Variants in DLG2 observed in about 807,000 individuals in gnomAD.
DLG2 encodes the protein discs large MAGUK scaffold protein 2.
Under a neutral mutation model 132.5 loss-of-function variants are expected in DLG2, and 45 were observed. The observed-to-expected ratio is 0.34, with a 90% CI of 0.27 to 0.44. The LOEUF (loss-of-function observed/expected upper bound fraction) is 0.44, where lower values mean the gene tolerates loss of function less well. Among genes scored for constraint, DLG2 ranks in the 20% least tolerant of loss-of-function variants. The probability of loss-of-function intolerance (pLI) is 1.00; values close to 1 mark genes in which losing one functional copy is unlikely to be tolerated. For missense variants in DLG2, 1,045 were observed against 1,196.9 expected (o/e 0.87, Z 1.87); for synonymous variants, 424 against 419.6 (o/e 1.01, Z -0.13).
At chr11:85,546,908 G>C (rs2076371628) in intron 3 of DLG2, among the ~76,000 whole-genome samples, 2 of 144,538 alleles carry the variant, frequency 1.4e-5, no homozygotes, top group South Asian at 2.2e-4. Context: ...CTTTGCATGT[G>C]AGATGGGTTT....
chr11:84,948,155 T>A (rs1460952894), intron 6 of DLG2, among the ~76,000 whole-genome samples: 1 of 152,202 alleles, frequency 6.6e-6, no homozygotes, highest in Non-Finnish European at 1.5e-5. Flanking sequence ...CCCTGCAGGA[T>A]GATGCAATAG....
At chr11:83,975,026 T>C (rs1333714217) in intron 12 of DLG2, among the ~76,000 whole-genome samples, 1 of 152,082 alleles carries the variant, frequency 6.6e-6, no homozygotes, top group Admixed American at 6.6e-5. Flanking sequence ...TAAATTACAA[T>C]GTGCCAAGGG....
chr11:84,602,809 A>T (rs923250485), intron 6 of DLG2, among the ~76,000 whole-genome samples: 3 of 152,016 alleles, frequency 2.0e-5, no homozygotes, highest in African/African-American at 7.2e-5. Context: ...GACAATTGTC[A>T]CCTCAAACAT....
chr11:84,946,059 C>T (rs1031528877), intron 6 of DLG2, among the ~76,000 whole-genome samples: 1 of 152,120 alleles, frequency 6.6e-6, no homozygotes, highest in Non-Finnish European at 1.5e-5. Flanking sequence ...GAGGGCTCTT[C>T]GGTCAGCTTG....
At chr11:85,084,208 AAG>A (rs536449880) in intron 6 of DLG2, among the ~76,000 whole-genome samples, 99 of 152,292 alleles carry the variant, frequency 6.5e-4, no homozygotes, top group African/African-American at 2.3e-3. Context: ...TTATGGATGA[AAG>A]AGAAGAGAAA....
At chr11:85,608,271 T>C (rs546132663) in intron 2 of DLG2, among the ~76,000 whole-genome samples, 40 of 152,252 alleles carry the variant, frequency 2.6e-4, no homozygotes, top group African/African-American at 8.7e-4. Context: ...TCCTAAGCCA[T>C]TGGGACCAAT....
intron 3 of DLG2, among the ~76,000 whole-genome samples, chr11:85,357,704 T>TTA (rs58283704): frequency 3.8e-4 from 40 of 106,232 alleles, no homozygotes; most frequent in South Asian, 7.4e-4. Flanking sequence ...CTGTTCTGAA[T>TTA]TATATATATA....
intron 9 of DLG2, among the ~76,000 whole-genome samples, chr11:84,132,452 A>T (rs1021834611): frequency 2.0e-5 from 3 of 151,978 alleles, no homozygotes; most frequent in Admixed American, 1.3e-4. Flanking sequence ...TCAGTTGGCA[A>T]TGATTCCTGA....
At chr11:83,641,445 T>C (rs1189013781) in intron 18 of DLG2, among the ~76,000 whole-genome samples, 1 of 152,178 alleles carries the variant, frequency 6.6e-6, no homozygotes, top group Non-Finnish European at 1.5e-5. Flanking sequence ...ACGGTTGCCA[T>C]TTCATCACCT....
At chr11:85,448,602 G>T (rs1488201849) in intron 3 of DLG2, among the ~76,000 whole-genome samples, 3 of 152,112 alleles carry the variant, frequency 2.0e-5, no homozygotes, top group Admixed American at 6.5e-5. Flanking sequence ...GACAATCAGA[G>T]ACTTTGCTTC....
At position 83,553,899 on chromosome 11, in the gene DLG2, C is replaced by CTT. The variant is rs754561291; in HGVS notation, c.1941-12043_1941-12042dup. Among the ~76,000 whole-genome samples the CTT allele has an allele frequency of 4.8e-3, 538 of 111,176 alleles. 4 individuals carry two copies. The highest frequency in any genetic ancestry group is 0.018 in the African/African-American group (491 of 27,126). The allele number at this position is 111,176 out of a possible 152,430, so 72.9% of individuals were successfully genotyped here. ...ATAGCACAATCTTTTCTTTTTTTTTCTTTTTTTTTTTTTTGTGGGATAGTC... is the reference window on the plus strand; with the variant it reads ...ATAGCACAATCTTTTCTTTTTTTTTCTTTTTTTTTTTTTTTTGTGGGATAGTC... On this transcript the variant is annotated intron_variant, in intron 19 of 27. Transcript: ENST00000376104.
At chr11:83,607,759 T>G (rs1245710665) in intron 19 of DLG2, among the ~76,000 whole-genome samples, 1 of 152,192 alleles carries the variant, frequency 6.6e-6, no homozygotes, top group Non-Finnish European at 1.5e-5. Context: ...ATTATATTCA[T>G]GTAATGGAAT....
chr11:85,021,619 C>T (rs2060074794), intron 6 of DLG2: 7 of 1,324,358 alleles, frequency 5.3e-6, no homozygotes, highest in Admixed American at 5.0e-5. Context: ...GTTCATGGAG[C>T]GAGGATCTGT....
At chr11:83,750,427 A>G (rs1345294708) in intron 18 of DLG2, among the ~76,000 whole-genome samples, 1 of 152,216 alleles carries the variant, frequency 6.6e-6, no homozygotes, top group African/African-American at 2.4e-5. Context: ...GATAAGAATT[A>G]CCAAATGTAG....
Position 84,864,798 on chromosome 11 carries a change from G to A in DLG2, c.357+246863C>T, listed in dbSNP as rs566227011. Among the ~76,000 whole-genome samples the A allele has an allele frequency of 7.2e-5, 11 of 152,202 alleles. No homozygotes were observed. In the South Asian group the frequency reaches 1.0e-3, roughly 14 times the overall value. Reference sequence around the variant, plus strand: ...CCCGGGAAGGTCGGGAAAGCTTTACGGAGGAAGAGACAATATTTCGGGCAG... The same window carrying A: ...CCCGGGAAGGTCGGGAAAGCTTTACAGAGGAAGAGACAATATTTCGGGCAG... On this transcript the variant is annotated intron_variant, in intron 6 of 27. Coordinates refer to ENST00000376104, the MANE Select transcript of DLG2 (RefSeq NM_001142699.3).
intron 3 of DLG2, among the ~76,000 whole-genome samples, chr11:85,403,018 T>C (rs1302862847): frequency 6.6e-6 from 1 of 152,186 alleles, no homozygotes; most frequent in Non-Finnish European, 1.5e-5. Flanking sequence ...TTATAAATCA[T>C]GCTGCTATAA....
intron 3 of DLG2, among the ~76,000 whole-genome samples, chr11:85,319,206 A>T (rs1469660728): frequency 1.3e-5 from 2 of 151,872 alleles, no homozygotes; most frequent in Non-Finnish European, 3.0e-5. Flanking sequence ...CTCAAACCAC[A>T]AAGACTTATA....
intron 7 of DLG2, among the ~76,000 whole-genome samples, chr11:84,254,980 C>T (rs2097443127): frequency 6.6e-6 from 1 of 152,186 alleles, no homozygotes; most frequent in Non-Finnish European, 1.5e-5. Context: ...ACGGTAGGCT[C>T]TTCTGAATGA....
intron 7 of DLG2, among the ~76,000 whole-genome samples, chr11:84,534,114 T>C (rs902816757): frequency 5.3e-5 from 8 of 152,190 alleles, no homozygotes; most frequent in Admixed American, 2.6e-4. Context: ...CAATTTTCTC[T>C]AGGATAAAAT....
Sources: gnomAD v4.1 joint callset for allele counts (sites outside exome capture counted in the v4.1 genomes callset) on GRCh38, gnomAD v4.1.1 for gene constraint, MANE v1.5 for transcripts, NCBI Gene and HGNC (gene_info 2026-07-23, HGNC 2026-07-21) for gene names.